Variants in XPO1 observed in about 807,000 individuals in gnomAD.
XPO1 encodes the protein exportin 1.
XPO1 carries 5 observed loss-of-function variants against 133.3 expected under a neutral mutation model. That is an observed-to-expected ratio of 0.04 (90% confidence interval 0.02 to 0.08). XPO1 has a LOEUF of 0.08. XPO1 is among the 10% of genes least tolerant of loss of function. XPO1 has a pLI of 1.00. For missense variants in XPO1, 506 were observed against 1,267.5 expected (o/e 0.40, Z 9.12); for synonymous variants, 419 against 408.2 (o/e 1.03, Z -0.32).
intron 2 of XPO1, among the ~76,000 whole-genome samples, chr2:61,527,388 C>T (rs999608895): frequency 2.0e-5 from 3 of 151,410 alleles, no homozygotes; most frequent in South Asian, 2.1e-4. Context: ...CTCAGGAGAC[C>T]GAGATGGGAG....
intron 6 of XPO1, among the ~76,000 whole-genome samples, chr2:61,501,688 ACTC>A (rs1368734177): frequency 1.2e-3 from 177 of 146,806 alleles, no homozygotes; most frequent in Admixed American, 2.8e-3. Context: ...ATGCCACTGC[ACTC>A]CAGCCTGGGC....
At chr2:61,502,789 T>C (rs1488024480) in intron 4 of XPO1, among the ~76,000 whole-genome samples, 1 of 151,980 alleles carries the variant, frequency 6.6e-6, no homozygotes, top group African/African-American at 2.4e-5. Context: ...TTCATATTTT[T>C]AAAGATGGGA....
chr2:61,500,309 G>C (rs371044780), intron 6 of XPO1, among the ~76,000 whole-genome samples: 1 of 151,918 alleles, frequency 6.6e-6, no homozygotes, highest in East Asian at 1.9e-4. Context: ...GGCTGGGCGT[G>C]GTAGCTCGTG....
intron 3 of XPO1, 37 bp from the exon 4 acceptor site, chr2:61,522,720 CT>C: frequency 6.8e-7 from 1 of 1,464,100 alleles, no homozygotes. Context: ...GAATATATTG[CT>C]TATAGGACTG....
At chr2:61,508,821 A>T (rs1415041643) in intron 4 of XPO1, among the ~76,000 whole-genome samples, 2 of 152,242 alleles carry the variant, frequency 1.3e-5, no homozygotes, top group African/African-American at 4.8e-5. Flanking sequence ...ATAGTCATGC[A>T]GTAAACATTT....
intron 22 of XPO1, 132 bp downstream of exon 22, chr2:61,482,825 A>G: frequency 9.3e-7 from 1 of 1,070,684 alleles, no homozygotes. Flanking sequence ...CAGTTTCACC[A>G]TGGTGGCCAG....
Position 61,485,898 on chromosome 2 carries a change from G to A in XPO1, c.2378C>T (p.Pro793Leu). The change falls in exon 20 of 25, where the codon CCA becomes CTA. Residue 793 changes from proline (P) to leucine (L), a missense_variant. This residue lies in a region of XPO1 where 203 missense variants were observed against 365.9 expected (regional missense o/e 0.55). Coordinates refer to ENST00000401558, the MANE Select transcript of XPO1 (RefSeq NM_003400.4). ...AAGCACTTCTGGTTCTCTAGCAGCT[G>A]GGACATTTCTCTGATAATCAATGAG... The part of the protein sequence containing the change: ...AVLIDYQRNV[P>L]AAREPEVLST... 1 of 1,614,070 alleles carries A rather than the reference G, an allele frequency of 6.2e-7. No individual in the cohort carries two copies. The highest frequency in any genetic ancestry group is 8.5e-7 in the Non-Finnish European group (1 of 1,179,984).
rs1404949385 is a variant in XPO1 at position 61,533,638 on chromosome 2, G to T, written c.126+134C>A. 5 of 1,090,588 alleles carry T rather than the reference G, an allele frequency of 4.6e-6. No individual in the cohort carries two copies. In the Admixed American group the frequency reaches 2.0e-4, roughly 43 times the overall value. The allele number at this position is 1,090,588 out of a possible 1,614,324, so 67.6% of individuals were successfully genotyped here. A position where few individuals can be genotyped will look rare whatever the true frequency, so the allele number is the denominator to read the frequency against. On this transcript the variant is annotated intron_variant, in intron 2 of 24. Coordinates refer to ENST00000401558, the MANE Select transcript of XPO1 (RefSeq NM_003400.4). ...CTTTCTCCAAACCAATTTTCATTAT[G>T]GTTAATACAGAATTCCAAATTAATG...
intron 4 of XPO1, among the ~76,000 whole-genome samples, chr2:61,511,862 A>C (rs1431209572): frequency 2.0e-5 from 3 of 152,002 alleles, no homozygotes; most frequent in African/African-American, 7.3e-5. Context: ...TGGTCCAAGC[A>C]ACTCCCCTGC....
rs760127215 is a variant in XPO1, at chr2:61,481,301, G to A, written c.2973-20C>T. The stretch of plus-strand genomic sequence containing the variant: ...TGAGCACTGCAAATCAAAACACAAT[G>A]ATTAAATAATGATTTATTTTTCCCC... On this transcript the variant is annotated intron_variant, in intron 23 of 24. Transcript: ENST00000401558. 6.4e-7 allele frequency: 1 copy of A among 1,569,270 alleles called. No homozygotes were observed. Among genetic ancestry groups the A allele is most frequent in the African/African-American group, 1.4e-5 (1 of 73,184 alleles).
At position 61,500,560 on chromosome 2, in the gene XPO1, C is replaced by G. The variant is rs1461159467; in HGVS notation, c.409-666G>C. On this transcript the variant is annotated intron_variant, in intron 6 of 24. Coordinates refer to ENST00000401558, the MANE Select transcript of XPO1 (RefSeq NM_003400.4). ...GGCCACTGCACTCAAGGCTGGGCAA[C>G]AGGATGAGACTCCATCTCAAAAAAA... Among the ~76,000 whole-genome samples, 7 of 110,826 alleles carry G rather than the reference C, an allele frequency of 6.3e-5. No homozygotes were observed. The Admixed American group carries it at 8.9e-4, about 14-fold the overall frequency. 72.7% of individuals were successfully genotyped at this position (110,826 alleles called of 152,430 possible).
chr2:61,515,339 G>A, intron 4 of XPO1, among the ~76,000 whole-genome samples: 1 of 152,182 alleles, frequency 6.6e-6, no homozygotes, highest in Non-Finnish European at 1.5e-5. Flanking sequence ...TACTACAGGA[G>A]ATCTTCAGCA....
chr2:61,532,677 T>C (rs1699208753), intron 2 of XPO1, among the ~76,000 whole-genome samples: 1 of 147,316 alleles, frequency 6.8e-6, no homozygotes, highest in Non-Finnish European at 1.5e-5. Context: ...TCTACTAAAA[T>C]ACAAAAAATT....
Position 61,478,763 on chromosome 2 carries a change from A to G in XPO1, c.*57T>C, listed in dbSNP as rs1696181699. 2 of 1,578,598 alleles carry G rather than the reference A, an allele frequency of 1.3e-6. No homozygotes were observed. The highest frequency in any genetic ancestry group is 1.7e-6 in the Non-Finnish European group (2 of 1,159,848). ...ATCATTTTGGTCGACAAATACCCACATGCTGTTTTCCTCTGCTAACGAGTT... is the reference window on the plus strand; with the variant it reads ...ATCATTTTGGTCGACAAATACCCACGTGCTGTTTTCCTCTGCTAACGAGTT... On this transcript the variant is annotated 3_prime_UTR_variant, in exon 25 of 25. Transcript: ENST00000401558.
intron 2 of XPO1, among the ~76,000 whole-genome samples, chr2:61,532,588 C>T (rs1438385429): frequency 1.3e-5 from 2 of 148,172 alleles, no homozygotes; most frequent in Non-Finnish European, 3.0e-5. Context: ...CTGTCATCTC[C>T]ACACTTTGGG....
intron 4 of XPO1, among the ~76,000 whole-genome samples, chr2:61,503,963 T>G (rs531794741): frequency 6.6e-6 from 1 of 152,328 alleles, no homozygotes; most frequent in East Asian, 1.9e-4. Context: ...GTGGATCGCT[T>G]GAGGCCTAGA....
chr2:61,506,150 A>G (rs1697801049), intron 4 of XPO1, among the ~76,000 whole-genome samples: 1 of 152,138 alleles, frequency 6.6e-6, no homozygotes, highest in African/African-American at 2.4e-5. Context: ...AGCCGGACGG[A>G]TGGCTCACGC....
chr2:61,485,015 G>A (rs1696610147), intron 20 of XPO1: 1 of 152,214 alleles, frequency 6.6e-6, no homozygotes, highest in South Asian at 2.1e-4. Context: ...AAAGTGTTGG[G>A]ATTACAGGTG....
At chr2:61,509,494 C>T (rs1344370352) in intron 4 of XPO1, among the ~76,000 whole-genome samples, 4 of 151,930 alleles carry the variant, frequency 2.6e-5, no homozygotes, top group South Asian at 2.1e-4. Flanking sequence ...GGCATGGTGC[C>T]GCATGACTGT....
Sources: gnomAD v4.1 joint callset for allele counts (sites outside exome capture counted in the v4.1 genomes callset) on GRCh38, gnomAD v4.1.1 for gene constraint, gnomAD v4.1.1 regional missense constraint, MANE v1.5 for transcripts, NCBI Gene and HGNC (gene_info 2026-07-23, HGNC 2026-07-21) for gene names.